The following MIGA1 variants were observed in gnomAD, a reference collection of about 807,000 sequenced individuals.
MIGA1 encodes the protein mitoguardin 1.
A neutral mutation model predicts 82.0 loss-of-function variants in MIGA1; 58 were observed. The observed-to-expected ratio is 0.71, with a 90% CI of 0.57 to 0.88. The LOEUF (loss-of-function observed/expected upper bound fraction) is 0.88, where lower values mean the gene tolerates loss of function less well. Among genes scored for constraint, MIGA1 ranks in the 40% least tolerant of loss-of-function variants. MIGA1 has a pLI of 0.00. For missense variants in MIGA1, 751 were observed against 749.1 expected (o/e 1.00, Z -0.03); for synonymous variants, 249 against 253.6 (o/e 0.98, Z 0.17).
At position 77,871,040 on chromosome 1, in the gene MIGA1, C is replaced by A. The variant is rs1470617627; in HGVS notation, c.1564-1964C>A. ...CAGTGAGCCGAGATGGCAGCAGTAC[C>A]GTCCAGCTTTGGCTCGGCATCAGAG... On this transcript the variant is annotated intron_variant, in intron 14 of 15. Transcript: ENST00000370791. Among the ~76,000 whole-genome samples, 5 of 139,264 alleles carry A rather than the reference C, an allele frequency of 3.6e-5. No individual in the cohort carries two copies. The South Asian group carries it at 7.1e-4, about 20-fold the overall frequency. 91.4% of individuals were successfully genotyped at this position (139,264 alleles called of 152,430 possible). A position where few individuals can be genotyped will look rare whatever the true frequency, so the allele number is the denominator to read the frequency against.
Position 77,872,254 on chromosome 1 carries a change from G to A in MIGA1, c.1564-750G>A, listed in dbSNP as rs951595156. Reference sequence around the variant, plus strand: ...AAAAGTGTTGGGATTATAGGCATGAGCCACCATGCCTGGCTGGATTGCTTT... The same window carrying A: ...AAAAGTGTTGGGATTATAGGCATGAACCACCATGCCTGGCTGGATTGCTTT... On this transcript the variant is annotated intron_variant, in intron 14 of 15. Transcript: ENST00000370791. 7.9e-5 allele frequency among the ~76,000 whole-genome samples: 12 copies of A among 151,950 alleles called. 1 individual carries two copies. The highest frequency in any genetic ancestry group is 7.2e-4 in the Admixed American group (11 of 15,252).
chr1:77,800,850 G>A (rs1682854079), intron 2 of MIGA1, among the ~76,000 whole-genome samples: 1 of 152,080 alleles, frequency 6.6e-6, no homozygotes, highest in Non-Finnish European at 1.5e-5. Flanking sequence ...CACAGTCCTG[G>A]TACTTTAAGA....
chr1:77,863,368 A>G (rs956877771), intron 12 of MIGA1, among the ~76,000 whole-genome samples: 3 of 152,328 alleles, frequency 2.0e-5, no homozygotes, highest in Admixed American at 1.3e-4. Context: ...CCAAAATGAT[A>G]CAGCACACTA....
intron 3 of MIGA1, among the ~76,000 whole-genome samples, chr1:77,801,994 A>T (rs1682902932): frequency 6.6e-6 from 1 of 152,054 alleles, no homozygotes; most frequent in Non-Finnish European, 1.5e-5. Context: ...TCCCTTTAGG[A>T]TGCTTGTGTT....
At chr1:77,821,897 TTAAGATACTTTG>T (rs1683826629) in intron 7 of MIGA1, among the ~76,000 whole-genome samples, 1 of 152,202 alleles carries the variant, frequency 6.6e-6, no homozygotes, top group Non-Finnish European at 1.5e-5. Flanking sequence ...CAAATAATTA[TTAAGATACTTTG>T]TAAGCTTCAG....
In MIGA1 at chr1:77,860,127, G is replaced by A; in HGVS notation, c.1275+1G>A. On this transcript the variant is annotated splice_donor_variant, in intron 11 of 15. Coordinates refer to ENST00000370791, the MANE Select transcript of MIGA1 (RefSeq NM_198549.4). LOFTEE classifies it high-confidence loss of function. ...AGCTTTAATTGTGAAAGCACGAAAG[G>A]TAAACTTGTTCTGTTGGCAAGATTT... 6.2e-7 allele frequency: 1 copy of A among 1,602,120 alleles called. No homozygotes were observed. Among genetic ancestry groups the A allele is most frequent in the Non-Finnish European group, 8.5e-7 (1 of 1,171,572 alleles).
At chr1:77,845,564 T>G (rs578203926) in intron 8 of MIGA1, among the ~76,000 whole-genome samples, 2 of 152,320 alleles carry the variant, frequency 1.3e-5, no homozygotes, top group South Asian at 2.1e-4. Context: ...GGACTTACTA[T>G]TCAAGAAATA....
chr1:77,810,956 A>G, intron 5 of MIGA1: 1 of 1,612,048 alleles, frequency 6.2e-7, no homozygotes, highest in South Asian at 1.1e-5. Context: ...GGTTTCTTGT[A>G]TAGTTCTATT....
chr1:77,849,635 A>AT (rs1684972064), intron 8 of MIGA1, among the ~76,000 whole-genome samples: 1 of 152,250 alleles, frequency 6.6e-6, no homozygotes, highest in South Asian at 2.1e-4. Context: ...TGCTTAAAAA[A>AT]TACACCAATA....
At chr1:77,785,688 A>G (rs934303496) in intron 2 of MIGA1, among the ~76,000 whole-genome samples, 8 of 152,270 alleles carry the variant, frequency 5.3e-5, no homozygotes, top group Non-Finnish European at 7.4e-5. Flanking sequence ...TTTTGACTCC[A>G]TGTCTCACAT....
At chr1:77,856,792 G>A (rs1343875494) in intron 8 of MIGA1, among the ~76,000 whole-genome samples, 1 of 151,752 alleles carries the variant, frequency 6.6e-6, no homozygotes, top group Non-Finnish European at 1.5e-5. Flanking sequence ...CTTGCTAAAG[G>A]TCTATCAATT....
At position 77,815,174 on chromosome 1, in the gene MIGA1, G is replaced by T. The variant is rs1325576695; in HGVS notation, c.838G>T (p.Glu280Ter). Residue 280 changes from glutamate (E) to a stop codon, truncating the protein, a stop_gained, in exon 7 of 16, where the codon GAG becomes TAG. Transcript: ENST00000370791. LOFTEE classifies it high-confidence loss of function. The stretch of plus-strand genomic sequence containing the variant: ...GCTGCAAAGAGCCTATCGTCTCCAA[G>T]AGGAGTTTGAAGCTACCCTTGGGGC... 6.2e-7 allele frequency: 1 copy of T among 1,610,126 alleles called. No homozygotes were observed. The highest frequency in any genetic ancestry group is 1.3e-5 in the African/African-American group (1 of 74,836).
chr1:77,821,721 C>A (rs1380177931), intron 7 of MIGA1, among the ~76,000 whole-genome samples: 2 of 152,052 alleles, frequency 1.3e-5, no homozygotes, highest in Non-Finnish European at 2.9e-5. Context: ...GATTTGACAT[C>A]TAACGTATTA....
chr1:77,828,521 TTAAA>T (rs1684116293), intron 7 of MIGA1, among the ~76,000 whole-genome samples: 1 of 152,224 alleles, frequency 6.6e-6, no homozygotes, highest in Admixed American at 6.5e-5. Context: ...TTTCAGCTTA[TTAAA>T]TACAGAACTT....
intron 7 of MIGA1, among the ~76,000 whole-genome samples, chr1:77,840,887 CTG>C (rs1348068890): frequency 6.6e-6 from 1 of 152,100 alleles, no homozygotes; most frequent in Non-Finnish European, 1.5e-5. Flanking sequence ...AATTGTAAAA[CTG>C]TGATTTCTTT....
intron 4 of MIGA1, among the ~76,000 whole-genome samples, chr1:77,805,336 C>T (rs893689467): frequency 4.6e-5 from 7 of 151,668 alleles, no homozygotes; most frequent in African/African-American, 1.7e-4. Context: ...CTGCCCTATT[C>T]TGTAATGCCT....
At chr1:77,861,573 T>G in intron 12 of MIGA1, 3 of 386,360 alleles carry the variant, frequency 7.8e-6, no homozygotes, top group South Asian at 3.0e-5. Flanking sequence ...CCTTCCCTTG[T>G]TCCCTCTCTT....
chr1:77,788,114 T>C (rs1317882342), intron 2 of MIGA1, among the ~76,000 whole-genome samples: 3 of 152,244 alleles, frequency 2.0e-5, no homozygotes, highest in Non-Finnish European at 4.4e-5. Flanking sequence ...GCAATTCTTC[T>C]GCCTCAGCTT....
chr1:77,787,649 A>T (rs1682225925), intron 2 of MIGA1, among the ~76,000 whole-genome samples: 1 of 151,814 alleles, frequency 6.6e-6, no homozygotes, highest in Non-Finnish European at 1.5e-5. Context: ...TCCGCCTCCC[A>T]AAGTGTTGGG....
Sources: allele counts gnomAD v4.1 joint callset (sites outside exome capture counted in the v4.1 genomes callset), GRCh38; gene constraint gnomAD v4.1.1; transcripts MANE v1.5; gene names NCBI Gene and HGNC (gene_info 2026-07-23, HGNC 2026-07-21).